PTCD2: variants seen among roughly 807,000 people sequenced by gnomAD.
The protein encoded by PTCD2 is pentatricopeptide repeat-containing protein 2, mitochondrial.
Under a neutral mutation model 42.6 loss-of-function variants are expected in PTCD2, and 31 were observed. That is an observed-to-expected ratio of 0.73 (90% CI 0.55 to 0.98). PTCD2 has a LOEUF of 0.98. Among genes scored for constraint, PTCD2 ranks in the 50% least tolerant of loss-of-function variants. PTCD2 has a pLI of 0.00. For synonymous variants in PTCD2, 183 were observed against 170.9 expected (o/e 1.07, Z -0.55); for missense variants, 476 against 454.8 (o/e 1.05, Z -0.42).
At chr5:72,337,536 C>G (rs1751815022) in intron 6 of PTCD2, among the ~76,000 whole-genome samples, 1 of 152,162 alleles carries the variant, frequency 6.6e-6, no homozygotes, top group South Asian at 2.1e-4. Flanking sequence ...TGGCTCACAC[C>G]TGTAATCCCA....
At chr5:72,339,629 TAGTC>T (rs2112178084) in intron 7 of PTCD2, among the ~76,000 whole-genome samples, 1 of 152,242 alleles carries the variant, frequency 6.6e-6, no homozygotes, top group Admixed American at 6.5e-5. Flanking sequence ...TTTGTCTTCT[TAGTC>T]AGTCATGAGG....
chr5:72,350,254 G>A (rs553427449), intron 8 of PTCD2, among the ~76,000 whole-genome samples: 2 of 152,192 alleles, frequency 1.3e-5, no homozygotes, highest in East Asian at 3.9e-4. Context: ...CCAGTTTCAC[G>A]GATGCTAGTG....
chr5:72,344,623 GT>G (rs1752256700), intron 8 of PTCD2, among the ~76,000 whole-genome samples: 1 of 152,136 alleles, frequency 6.6e-6, no homozygotes, highest in Non-Finnish European at 1.5e-5. Context: ...AACAGTAATA[GT>G]TATTGGGGGA....
intron 8 of PTCD2, among the ~76,000 whole-genome samples, chr5:72,343,540 T>G (rs970589336): frequency 3.3e-5 from 5 of 152,216 alleles, no homozygotes; most frequent in African/African-American, 1.2e-4. Context: ...TCATTCTTAT[T>G]ATGTTGCCAG....
intron 6 of PTCD2, among the ~76,000 whole-genome samples, chr5:72,338,226 A>G (rs1020194248): frequency 6.6e-6 from 1 of 152,202 alleles, no homozygotes; most frequent in South Asian, 2.1e-4. Flanking sequence ...CAGATTGGAA[A>G]TCCCCCAGAA....
chr5:72,331,499 G>T, intron 4 of PTCD2, 124 bp downstream of exon 4: 1 of 741,594 alleles, frequency 1.3e-6, no homozygotes, highest in Non-Finnish European at 2.4e-6. Flanking sequence ...GGGGCTGAAT[G>T]AGCACATCTC....
intron 3 of PTCD2, among the ~76,000 whole-genome samples, chr5:72,329,580 A>G (rs1473436039): frequency 6.6e-6 from 1 of 152,194 alleles, no homozygotes; most frequent in Non-Finnish European, 1.5e-5. Flanking sequence ...ATCTGGCACA[A>G]GTTTCTCATG....
At chr5:72,349,916 G>A (rs920792783) in intron 8 of PTCD2, among the ~76,000 whole-genome samples, 1 of 152,186 alleles carries the variant, frequency 6.6e-6, no homozygotes, top group Non-Finnish European at 1.5e-5. Context: ...TTCAGAAATA[G>A]TTGCTGGAGG....
At chr5:72,325,915 T>G (rs1019141687) in intron 2 of PTCD2, among the ~76,000 whole-genome samples, 6 of 152,216 alleles carry the variant, frequency 3.9e-5, no homozygotes, top group Non-Finnish European at 7.3e-5. Context: ...TCCCCACGGT[T>G]GATCAGATAC....
chr5:72,360,153 T>G lies in PTCD2; in HGVS notation c.*1726T>G, dbSNP rs1342206564. The G allele has an allele frequency of 1.3e-5, 2 of 151,922 alleles. No homozygotes were observed. Among genetic ancestry groups the G allele is most frequent in the African/African-American group, 4.8e-5 (2 of 41,332 alleles). The allele number at this position is 151,922 out of a possible 1,614,324, so 9.4% of individuals were successfully genotyped here. A position where few individuals can be genotyped will look rare whatever the true frequency, so the allele number is the denominator to read the frequency against. ...AACAGCCCCATTTAGAGAAACAAAT[T>G]CTCTGCCCTCATAGAATCCTAATTG... is the stretch of plus-strand genomic sequence containing the variant. On this transcript the variant is annotated 3_prime_UTR_variant, in exon 10 of 10. Transcript: ENST00000380639.
chr5:72,357,711 C>G (rs1315857544), intron 9 of PTCD2, among the ~76,000 whole-genome samples: 1 of 151,960 alleles, frequency 6.6e-6, no homozygotes, highest in Non-Finnish European at 1.5e-5. Context: ...TATTTGAACC[C>G]CCCTTTTTTT....
At chr5:72,345,542 A>G (rs1408379858) in intron 8 of PTCD2, among the ~76,000 whole-genome samples, 1 of 152,244 alleles carries the variant, frequency 6.6e-6, no homozygotes, top group African/African-American at 2.4e-5. Context: ...GTGTCCATGA[A>G]ATCTTAACAA....
intron 2 of PTCD2, among the ~76,000 whole-genome samples, chr5:72,326,403 G>C (rs1424172764): frequency 6.6e-6 from 1 of 152,190 alleles, no homozygotes; most frequent in Non-Finnish European, 1.5e-5. Context: ...GCCTGGCCCT[G>C]TGCCCATGTC....
chr5:72,357,142 C>T (rs1752914929), intron 9 of PTCD2, among the ~76,000 whole-genome samples: 1 of 152,186 alleles, frequency 6.6e-6, no homozygotes, highest in Non-Finnish European at 1.5e-5. Flanking sequence ...CAACAACGTT[C>T]TAGACATACC....
chr5:72,331,021 G>C (rs1444167985), intron 3 of PTCD2, among the ~76,000 whole-genome samples: 1 of 152,150 alleles, frequency 6.6e-6, no homozygotes, highest in African/African-American at 2.4e-5. Flanking sequence ...TTTTTCCTCT[G>C]TTTCTTTTAT....
At position 72,358,448 on chromosome 5, in the gene PTCD2, T is replaced by C. The variant is rs1358532230; in HGVS notation, c.*21T>C. ...AGTAACCCTGGTTTCAGTCCACCTA[T>C]GGATCTGAGGGGCCTGCTTCTAGTG... On this transcript the variant is annotated 3_prime_UTR_variant, in exon 10 of 10. Coordinates refer to ENST00000380639, the MANE Select transcript of PTCD2 (RefSeq NM_024754.5). 1 of 1,569,928 alleles carries C rather than the reference T, an allele frequency of 6.4e-7. No homozygotes were observed. The highest frequency in any genetic ancestry group is 8.8e-7 in the Non-Finnish European group (1 of 1,142,240).
intron 2 of PTCD2, among the ~76,000 whole-genome samples, chr5:72,324,928 T>G (rs1751058551): frequency 6.6e-6 from 1 of 150,984 alleles, no homozygotes; most frequent in South Asian, 2.1e-4. Flanking sequence ...AAGGTGTTGT[T>G]TTTTTTTTTT....
intron 3 of PTCD2, among the ~76,000 whole-genome samples, chr5:72,329,598 T>A (rs1269948034): frequency 6.6e-6 from 1 of 152,232 alleles, no homozygotes; most frequent in Non-Finnish European, 1.5e-5. Context: ...ATGAGAATAT[T>A]TACTGAAATA....
At chr5:72,335,916 A>G (rs773989786) in intron 6 of PTCD2, 31 bp downstream of exon 6, 17 of 1,345,554 alleles carry the variant, frequency 1.3e-5, no homozygotes, top group Non-Finnish European at 1.7e-5. Flanking sequence ...CTTTGAGAGC[A>G]TTGTGTGTAG....
Sources: gnomAD v4.1 joint callset for allele counts (sites outside exome capture counted in the v4.1 genomes callset) on GRCh38, gnomAD v4.1.1 for gene constraint, MANE v1.5 for transcripts, NCBI Gene and HGNC (gene_info 2026-07-23, HGNC 2026-07-21) for gene names.